The following GPR158 variants were observed in gnomAD, a reference collection of about 807,000 sequenced individuals.
GPR158 encodes the protein metabotropic glycine receptor.
Under a neutral mutation model 78.2 loss-of-function variants are expected in GPR158, and 30 were observed. The ratio of observed to expected loss-of-function variants is 0.38; its 90% CI spans 0.29 to 0.52. The LOEUF (loss-of-function observed/expected upper bound fraction) is 0.52. GPR158 is among the 20% of genes least tolerant of loss of function. GPR158 has a pLI of 0.83. For synonymous variants in GPR158, 581 were observed against 591.1 expected (o/e 0.98, Z 0.25); for missense variants, 1,463 against 1,523.5 (o/e 0.96, Z 0.66).
intron 2 of GPR158, among the ~76,000 whole-genome samples, chr10:25,384,146 GGCA>G (rs1283519800): frequency 2.6e-5 from 4 of 152,148 alleles, no homozygotes; most frequent in African/African-American, 9.6e-5. Context: ...CAGATATGCA[GGCA>G]GTTGTAACTA....
At chr10:25,540,966 ATATATATATAT>A (rs1345619134) in intron 5 of GPR158, among the ~76,000 whole-genome samples, 12,658 of 146,830 alleles carry the variant, frequency 0.086, 1,119 homozygotes, top group East Asian at 0.46. Context: ...ATATATATAT[ATATATATATAT>A]AAAGTTTATC....
At chr10:25,425,849 A>G (rs1299441029) in intron 4 of GPR158, among the ~76,000 whole-genome samples, 1 of 152,024 alleles carries the variant, frequency 6.6e-6, no homozygotes, top group Non-Finnish European at 1.5e-5. Flanking sequence ...TTATATTTGT[A>G]TGGTTTCCTT....
At chr10:25,534,415 A>G (rs7080715) in intron 5 of GPR158, among the ~76,000 whole-genome samples, 62,521 of 151,746 alleles carry the variant, frequency 0.41, 13,099 homozygotes, top group East Asian at 0.55. Context: ...TGAGGCAGGC[A>G]GATTACTTGA....
intron 4 of GPR158, among the ~76,000 whole-genome samples, chr10:25,429,811 CCG>C (rs1834874402): frequency 7.0e-6 from 1 of 143,230 alleles, no homozygotes; most frequent in Admixed American, 7.0e-5. Context: ...AATTCAACAA[CCG>C]TTCATGCTAA....
At position 25,176,046 on chromosome 10, in the gene GPR158, C is replaced by A; in HGVS notation, c.626C>A (p.Ser209Tyr). The change falls in exon 1 of 11, where the codon TCC becomes TAC. Residue 209 changes from serine to tyrosine, a missense_variant. By Grantham distance (144) the Ser-to-Tyr change is moderately radical. Transcript: ENST00000376351. This position sits in a 1 kb window ranked among gnomAD's most constrained non-coding sequence, Gnocchi z 6.3. ...ATCCTGCTCCAAGACCTGTCCTCCT[C>A]CGCACCCCACCTGGCCAACGCCACT... ...SRILLQDLSS[S>Y]APHLANATLE... 1 of 1,608,828 alleles carries A rather than the reference C, an allele frequency of 6.2e-7. No homozygotes were observed. The highest frequency in any genetic ancestry group is 8.5e-7 in the Non-Finnish European group (1 of 1,178,066).
chr10:25,501,362 T>C (rs1835944378), intron 5 of GPR158, among the ~76,000 whole-genome samples: 1 of 152,164 alleles, frequency 6.6e-6, no homozygotes, highest in Admixed American at 6.5e-5. Flanking sequence ...TTATCAAAGG[T>C]CTCTCCTCCC....
At chr10:25,425,175 C>G (rs1007030419) in intron 4 of GPR158, among the ~76,000 whole-genome samples, 1 of 151,944 alleles carries the variant, frequency 6.6e-6, no homozygotes, top group Non-Finnish European at 1.5e-5. Flanking sequence ...ATTTGGCTGT[C>G]TGTTTGTCTG....
rs1212077358 is a variant in GPR158 at position 25,525,926 on chromosome 10, A to G, written c.1405-25050A>G. On this transcript the variant is annotated intron_variant, in intron 5 of 10. Transcript: ENST00000376351. ...GTTCGAGACCAGCCTGGCCAACATG[A>G]TGAAACCCCATCTCTACTAAAATAC... 4.6e-5 allele frequency among the ~76,000 whole-genome samples: 7 copies of G among 151,742 alleles called. No homozygotes were observed. In the East Asian group the frequency reaches 1.4e-3, roughly 29 times the overall value.
chr10:25,231,587 A>C (rs955964902), intron 2 of GPR158, among the ~76,000 whole-genome samples: 1 of 152,122 alleles, frequency 6.6e-6, no homozygotes, highest in Non-Finnish European at 1.5e-5. Flanking sequence ...CAAAGGAGAG[A>C]GCTACCTGAC....
intron 2 of GPR158, among the ~76,000 whole-genome samples, chr10:25,222,143 TTGAG>T (rs1325960646): frequency 6.6e-6 from 1 of 152,048 alleles, no homozygotes; most frequent in Non-Finnish European, 1.5e-5. Context: ...TATACGCCCA[TTGAG>T]TGTTTACCAT....
At chr10:25,405,500 T>G (rs1221278411) in intron 3 of GPR158, among the ~76,000 whole-genome samples, 1 of 42,728 alleles carries the variant, frequency 2.3e-5, no homozygotes, top group Non-Finnish European at 5.0e-5. Context: ...ACAATTTCCT[T>G]TTTTTTTTTT....
intron 4 of GPR158, among the ~76,000 whole-genome samples, chr10:25,423,639 G>T (rs1296102626): frequency 6.6e-6 from 1 of 152,056 alleles, no homozygotes; most frequent in Non-Finnish European, 1.5e-5. Flanking sequence ...TGCAGTATTT[G>T]GTTCTCTGTC....
At chr10:25,229,267 T>A (rs1304827878) in intron 2 of GPR158, among the ~76,000 whole-genome samples, 1 of 152,076 alleles carries the variant, frequency 6.6e-6, no homozygotes, top group Admixed American at 6.5e-5. Flanking sequence ...ATCGCTATAT[T>A]TAGGGACTCC....
intron 5 of GPR158, among the ~76,000 whole-genome samples, chr10:25,469,783 C>CA (rs34432893): frequency 0.42 from 19,855 of 47,318 alleles, 5,766 homozygotes; most frequent in East Asian, 0.66. Flanking sequence ...GACTCCATCT[C>CA]AAAAAAAAAA....
At chr10:25,310,807 T>A (rs1854753177) in intron 2 of GPR158, among the ~76,000 whole-genome samples, 1 of 152,078 alleles carries the variant, frequency 6.6e-6, no homozygotes, top group South Asian at 2.1e-4. Flanking sequence ...AACCAGTTTA[T>A]GCTAGAATTT....
intron 4 of GPR158, among the ~76,000 whole-genome samples, chr10:25,429,114 T>C (rs948839040): frequency 2.6e-5 from 4 of 152,052 alleles, no homozygotes; most frequent in African/African-American, 4.8e-5. Context: ...GTCCAAGATA[T>C]ATTGAATTTA....
At chr10:25,571,480 C>T (rs954523078) in intron 6 of GPR158, among the ~76,000 whole-genome samples, 1 of 152,094 alleles carries the variant, frequency 6.6e-6, no homozygotes, top group African/African-American at 2.4e-5. Flanking sequence ...ATTCATATGA[C>T]TTAAAATTAT....
chr10:25,546,929 T>C (rs1298691515), intron 5 of GPR158, among the ~76,000 whole-genome samples: 1 of 152,134 alleles, frequency 6.6e-6, no homozygotes, highest in Non-Finnish European at 1.5e-5. Context: ...ATCAGATTAG[T>C]GGAAGTAGTG....
rs145512307 is a variant in GPR158, at chr10:25,411,024, A to G, written c.1112-1226A>G. ...TTCCTCAGTTAATCAAAGTTGTGTT[A>G]TATACTGAAGTGAGTTCATATTCAT... On this transcript the variant is annotated intron_variant, in intron 3 of 10. Transcript: ENST00000376351. Among the ~76,000 whole-genome samples, 802 of 152,240 alleles carry G rather than the reference A, an allele frequency of 5.3e-3. 10 individuals carry two copies. Among genetic ancestry groups the G allele is most frequent in the African/African-American group, 0.019 (774 of 41,550 alleles).
Sources: gnomAD v4.1 joint callset for allele counts (sites outside exome capture counted in the v4.1 genomes callset) on GRCh38, gnomAD v4.1.1 for gene constraint, Gnocchi (gnomAD v3.1) non-coding constraint, MANE v1.5 for transcripts, NCBI Gene and HGNC (gene_info 2026-07-23, HGNC 2026-07-21) for gene names.